The following PML variants were observed in gnomAD, a reference collection of about 807,000 sequenced individuals.
PML encodes the protein protein PML.
Under a neutral mutation model 65.2 loss-of-function variants are expected in PML, and 28 were observed. That is an observed-to-expected ratio of 0.43 (90% CI 0.32 to 0.59). The LOEUF is 0.59. Ranked by LOEUF, PML falls within the 20% of genes least tolerant of loss-of-function variation. The pLI, the probability that PML is intolerant of heterozygous loss-of-function variation, is 0.08. For missense variants in PML, 1,021 were observed against 1,203.4 expected (o/e 0.85, Z 2.24); for synonymous variants, 500 against 508.8 (o/e 0.98, Z 0.23).
intron 2 of PML, among the ~76,000 whole-genome samples, chr15:74,019,034 G>A (rs954555048): frequency 6.6e-6 from 1 of 152,226 alleles, no homozygotes; most frequent in Non-Finnish European, 1.5e-5. Flanking sequence ...GCAGCCCTTT[G>A]ATTCAGGATC....
chr15:74,019,868 T>G (rs1285027645), intron 2 of PML, among the ~76,000 whole-genome samples: 2 of 152,248 alleles, frequency 1.3e-5, no homozygotes, highest in African/African-American at 4.8e-5. Context: ...CCTCAATGGC[T>G]TACAGCTACA....
rs1172774470 is a variant in PML at position 74,012,645 on chromosome 15, T to C, written c.603-10183T>C. ...TGTTTTTAATGAAATGCTTCTATTTTACATGGTAGTAACTGAGTCTCTGCA... is the reference window on the plus strand; with the variant it reads ...TGTTTTTAATGAAATGCTTCTATTTCACATGGTAGTAACTGAGTCTCTGCA... On this transcript the variant is annotated intron_variant, in intron 2 of 8. Coordinates refer to ENST00000268058, the MANE Select transcript of PML (RefSeq NM_033238.3). 1.2e-4 allele frequency among the ~76,000 whole-genome samples: 18 copies of C among 152,352 alleles called. 1 individual carries two copies.
At chr15:74,038,196 G>A (rs909271431) in intron 7 of PML, among the ~76,000 whole-genome samples, 2 of 152,222 alleles carry the variant, frequency 1.3e-5, no homozygotes, top group Non-Finnish European at 2.9e-5. Flanking sequence ...AGAGGCAGAA[G>A]CCTGGGAAGG....
chr15:74,026,987 T>C (rs771253285), intron 4 of PML: 2 of 152,198 alleles, frequency 1.3e-5, no homozygotes, highest in Non-Finnish European at 2.9e-5. Flanking sequence ...TTCCAGAATG[T>C]ATGTAATTAC....
intron 2 of PML, among the ~76,000 whole-genome samples, chr15:74,000,392 ATC>A (rs1421644124): frequency 6.6e-6 from 1 of 151,978 alleles, no homozygotes; most frequent in Non-Finnish European, 1.5e-5. Context: ...TGCAGCCTCA[ATC>A]TCTTGGGTTC....
intron 2 of PML, among the ~76,000 whole-genome samples, chr15:74,000,094 G>A (rs2069691723): frequency 6.6e-6 from 1 of 152,046 alleles, no homozygotes; most frequent in South Asian, 2.1e-4. Context: ...GCCTCCCAAA[G>A]TTCTGGGATT....
At chr15:74,034,619 T>C in intron 7 of PML, 89 bp downstream of exon 7, 1 of 1,613,756 alleles carries the variant, frequency 6.2e-7, no homozygotes, top group Non-Finnish European at 8.5e-7. Flanking sequence ...ACTCTCAGAC[T>C]TGCCTTGCGC....
Position 74,035,430 on chromosome 15 carries a change from T to C in PML, c.1710+900T>C, listed in dbSNP as rs781192354. ...CCCTGCCGTCCACCGTGGGATCCGC[T>C]ACCTGTTGTACAGAGCACAGAGAGC... is the stretch of plus-strand genomic sequence containing the variant. On this transcript the variant is annotated intron_variant, in intron 7 of 8. Transcript: ENST00000268058. This position sits in a 1 kb window ranked among gnomAD's most constrained non-coding sequence, Gnocchi z 4.1. 25 of 1,612,132 alleles carry C rather than the reference T, an allele frequency of 1.6e-5. No homozygotes were observed. The highest frequency in any genetic ancestry group is 1.9e-5 in the Non-Finnish European group (23 of 1,179,998).
At chr15:74,010,145 A>G (rs1349477599) in intron 2 of PML, among the ~76,000 whole-genome samples, 1 of 148,296 alleles carries the variant, frequency 6.7e-6, no homozygotes, top group Non-Finnish European at 1.5e-5. Flanking sequence ...CCCCAAGTAT[A>G]ATAGCTGGGA....
chr15:74,031,104 A>G (rs1429608399), intron 4 of PML, among the ~76,000 whole-genome samples: 1 of 151,758 alleles, frequency 6.6e-6, no homozygotes, highest in African/African-American at 2.4e-5. Flanking sequence ...TATGCCCCCA[A>G]AAGGAAACCC....
At chr15:74,005,199 C>T (rs1281714458) in intron 2 of PML, among the ~76,000 whole-genome samples, 3 of 151,824 alleles carry the variant, frequency 2.0e-5, no homozygotes, top group East Asian at 1.9e-4. Context: ...ACTACAGGTG[C>T]GCACCACCAT....
chr15:74,030,763 C>A (rs2071284859), intron 4 of PML, among the ~76,000 whole-genome samples: 1 of 152,112 alleles, frequency 6.6e-6, no homozygotes, highest in Non-Finnish European at 1.5e-5. Flanking sequence ...CCGTTTCCTT[C>A]TCTGAAGATT....
rs2071751710 is a variant in PML at position 74,044,628 on chromosome 15, C to T, written c.2269C>T (p.Leu757Phe). The part of the protein sequence containing the change: ...VLAMRDLCRL[L>F]EVSPGPQLAQ... The stretch of plus-strand genomic sequence containing the variant: ...GGCCATGCGTGACCTGTGCCGCCTC[C>T]TCGAGGTCTCCCCGGGCCCCCAGCT... Residue 757 changes from leucine (L) to phenylalanine (F), a missense_variant, in exon 9 of 9, where the codon CTC (leucine) becomes TTC (phenylalanine). Transcript: ENST00000268058. 1.2e-6 allele frequency: 2 copies of T among 1,606,190 alleles called. No individual in the cohort carries two copies. Among genetic ancestry groups the T allele is most frequent in the Non-Finnish European group, 1.7e-6 (2 of 1,179,906 alleles).
chr15:74,019,340 A>G (rs1431273754), intron 2 of PML, among the ~76,000 whole-genome samples: 2 of 152,236 alleles, frequency 1.3e-5, no homozygotes, highest in East Asian at 1.9e-4. Context: ...CCTCTCCCCA[A>G]GTGTCCAAGA....
In PML at chr15:74,035,717, C is replaced by G; in HGVS notation, c.1710+1187C>G. ...AGTGGCTCAACAACTTTTTTGCCCT[C>G]CCCTTCTCCTCCATGGCTTCCCAGC... is the stretch of plus-strand genomic sequence containing the variant. On this transcript the variant is annotated intron_variant, in intron 7 of 8. Transcript: ENST00000268058. The surrounding 1 kb of genome is among the most constrained non-coding windows in gnomAD (Gnocchi z 4.1). 1 of 1,614,168 alleles carries G rather than the reference C, an allele frequency of 6.2e-7. No individual in the cohort carries two copies.
chr15:74,037,650 C>A lies in PML; in HGVS notation c.1710+3120C>A. The stretch of plus-strand genomic sequence containing the variant: ...CTCTGTGCCTCTAGGTGCAGTGTCG[C>A]GTTTAGTCGTTATTATTCTTGACCG... On this transcript the variant is annotated intron_variant, in intron 7 of 8. Transcript: ENST00000268058. This position sits in a 1 kb window ranked among gnomAD's most constrained non-coding sequence, Gnocchi z 4.2. 1 of 985,328 alleles carries A rather than the reference C, an allele frequency of 1.0e-6. No individual in the cohort carries two copies. Among genetic ancestry groups the A allele is most frequent in the African/African-American group, 1.7e-5 (1 of 57,314 alleles). 61.0% of individuals were successfully genotyped at this position (985,328 alleles called of 1,614,324 possible).
In PML at chr15:74,045,824, A is replaced by G. The variant is rs1423331024; in HGVS notation, c.*816A>G. ...GTAGTCCAGGACCTGCGGCATCAGCATCCCCTGGGAGCTTCTTAGAAATGC... is the reference window on the plus strand; with the variant it reads ...GTAGTCCAGGACCTGCGGCATCAGCGTCCCCTGGGAGCTTCTTAGAAATGC... On this transcript the variant is annotated 3_prime_UTR_variant, in exon 9 of 9. Coordinates refer to ENST00000268058, the MANE Select transcript of PML (RefSeq NM_033238.3). 1 of 232,266 alleles carries G rather than the reference A, an allele frequency of 4.3e-6. No individual in the cohort carries two copies. The highest frequency in any genetic ancestry group is 2.2e-5 in the African/African-American group (1 of 45,286). 14.4% of individuals were successfully genotyped at this position (232,266 alleles called of 1,614,324 possible).
chr15:74,001,691 A>G (rs1189198689), intron 2 of PML, among the ~76,000 whole-genome samples: 1 of 152,222 alleles, frequency 6.6e-6, no homozygotes, highest in African/African-American at 2.4e-5. Flanking sequence ...TTTTGGCTGT[A>G]TGCCATAACT....
At chr15:74,030,790 C>T (rs893356074) in intron 4 of PML, among the ~76,000 whole-genome samples, 2 of 152,026 alleles carry the variant, frequency 1.3e-5, no homozygotes, top group East Asian at 1.9e-4. Context: ...AATCATAGTA[C>T]GGTACCTACT....
Sources: allele counts gnomAD v4.1 joint callset (sites outside exome capture counted in the v4.1 genomes callset), GRCh38; gene constraint gnomAD v4.1.1; non-coding constraint Gnocchi (gnomAD v3.1); transcripts MANE v1.5; gene names NCBI Gene and HGNC (gene_info 2026-07-23, HGNC 2026-07-21).